The following KANK1 variants were observed in gnomAD, a reference collection of about 807,000 sequenced individuals.
KANK1 encodes KN motif and ankyrin repeat domains 1, also known as KN motif and ankyrin repeat domain-containing protein 1.
In KANK1, 109 loss-of-function variants were observed where a neutral mutation model predicts 106.2. The observed-to-expected ratio is 1.03, with a 90% CI of 0.88 to 1.20. KANK1 has a LOEUF of 1.20. Among genes scored for constraint, KANK1 ranks in the 50% most tolerant of loss-of-function variants. KANK1 has a pLI of 0.00. For synonymous variants in KANK1, 873 were observed against 652.2 expected (o/e 1.34, Z -5.16); for missense variants, 2,399 against 1,710.7 (o/e 1.40, Z -7.10).
At chr9:510,781 G>A (rs2058995363) in intron 1 of KANK1, among the ~76,000 whole-genome samples, 1 of 152,156 alleles carries the variant, frequency 6.6e-6, no homozygotes, top group African/African-American at 2.4e-5. Flanking sequence ...AGCATCATGG[G>A]GTTTAATGGT....
At chr9:728,548 T>C (rs552538127) in intron 3 of KANK1, among the ~76,000 whole-genome samples, 10 of 152,230 alleles carry the variant, frequency 6.6e-5, no homozygotes, top group Non-Finnish European at 1.2e-4. Context: ...TTGTGGGGAA[T>C]ATCTACATTA....
chr9:706,521 G>C (rs964616134), intron 2 of KANK1, among the ~76,000 whole-genome samples: 2 of 145,506 alleles, frequency 1.4e-5, no homozygotes, highest in South Asian at 4.3e-4. Context: ...CTTGATGGTA[G>C]GATCTGAGTG....
chr9:631,885 T>G (rs996446106), intron 1 of KANK1, among the ~76,000 whole-genome samples: 1 of 152,194 alleles, frequency 6.6e-6, no homozygotes, highest in Non-Finnish European at 1.5e-5. Flanking sequence ...TAACCCTTCT[T>G]CACATACCAG....
Position 490,835 on chromosome 9 carries a change from T to C in KANK1, c.-362+17562T>C, listed in dbSNP as rs2058366244. Among the ~76,000 whole-genome samples the C allele has an allele frequency of 4.6e-5, 7 of 152,202 alleles. No homozygotes were observed. The South Asian group carries it at 1.5e-3, about 32-fold the overall frequency. On this transcript the variant is annotated intron_variant, in intron 3 of 15. Coordinates refer to the KANK1 transcript ENST00000382303. Reference sequence around the variant, plus strand: ...AAAATTCTTGCTCTTGTGGAGCTTATATTCTGACACAGGAAAACAAATATA... The same window carrying C: ...AAAATTCTTGCTCTTGTGGAGCTTACATTCTGACACAGGAAAACAAATATA...
chr9:511,763 C>A (rs935859976), intron 1 of KANK1, among the ~76,000 whole-genome samples: 4 of 152,168 alleles, frequency 2.6e-5, no homozygotes, highest in Non-Finnish European at 5.9e-5. Context: ...TGTCTGGTCC[C>A]AACTCAGCTA....
Position 712,095 on chromosome 9 carries a change from C to A in KANK1, c.1329C>A (p.Ala443=). Reference sequence around the variant, plus strand: ...ATTGTGGGGTCAGCGTGACAGAGGCCATGCTTGGAGTGATGACTGAAGCTG... The same window carrying A: ...ATTGTGGGGTCAGCGTGACAGAGGCAATGCTTGGAGTGATGACTGAAGCTG... The part of the protein sequence containing the change: ...MRNCGVSVTE[A]MLGVMTEADK... The change falls in exon 3 of 12, where the codon GCC becomes GCA. Residue 443 remains alanine (A), a synonymous_variant. Transcript: ENST00000382297. 6.2e-7 allele frequency: 1 copy of A among 1,614,140 alleles called. No homozygotes were observed. Among genetic ancestry groups the A allele is most frequent in the African/African-American group, 1.3e-5 (1 of 75,028 alleles).
At chr9:628,674 C>G (rs1199781252) in intron 1 of KANK1, among the ~76,000 whole-genome samples, 1 of 152,072 alleles carries the variant, frequency 6.6e-6, no homozygotes, top group Non-Finnish European at 1.5e-5. Context: ...CCCTCTCTGC[C>G]CAGTTCCCAG....
intron 1 of KANK1, among the ~76,000 whole-genome samples, chr9:612,102 C>T (rs909104460): frequency 3.3e-5 from 5 of 152,178 alleles, no homozygotes; most frequent in African/African-American, 1.2e-4. Context: ...ATAATGAACA[C>T]ACATATTACC....
At chr9:524,802 C>T (rs1587499402) in intron 1 of KANK1, among the ~76,000 whole-genome samples, 1 of 151,446 alleles carries the variant, frequency 6.6e-6, no homozygotes, top group East Asian at 1.9e-4. Flanking sequence ...TGGGTGTGAG[C>T]CACCGTGCCC....
In KANK1 at chr9:742,244, C is replaced by A; in HGVS notation, c.3736C>A (p.Arg1246=). The A allele has an allele frequency of 1.9e-6, 3 of 1,614,166 alleles. No homozygotes were observed. Among genetic ancestry groups the A allele is most frequent in the South Asian group, 1.1e-5 (1 of 91,080 alleles). Residue 1246 remains arginine (R), a synonymous_variant, in exon 10 of 12, where the codon CGG becomes AGG. Transcript: ENST00000382297. ...CCTCATGCTGGCGGTCAGTCACGGA[C>A]GGATAGACATGGTGAAGGGCCTTCT... ...TALMLAVSHG[R]IDMVKGLLAC...
At chr9:663,186 AAAAT>A (rs145563528) in intron 1 of KANK1, among the ~76,000 whole-genome samples, 8,069 of 149,824 alleles carry the variant, frequency 0.054, 226 homozygotes, top group African/African-American at 0.067. Flanking sequence ...CTGTACATTT[AAAAT>A]AAATAAATGA....
At chr9:524,158 T>G (rs771406675) in intron 1 of KANK1, among the ~76,000 whole-genome samples, 5 of 151,834 alleles carry the variant, frequency 3.3e-5, no homozygotes, top group Non-Finnish European at 5.9e-5. Flanking sequence ...CTCTTCTGCT[T>G]TGGCTACCAG....
intron 2 of KANK1, among the ~76,000 whole-genome samples, chr9:689,743 T>C (rs1819435200): frequency 6.6e-6 from 1 of 152,058 alleles, no homozygotes; most frequent in South Asian, 2.1e-4. Flanking sequence ...GAGGGGTCGG[T>C]TAAAGCAGCA....
intron 3 of KANK1, chr9:484,601 C>G (rs1158092089): frequency 1.3e-5 from 2 of 152,162 alleles, no homozygotes; most frequent in African/African-American, 4.8e-5. Context: ...AAAGCATTGA[C>G]AAACAAGTTT....
chr9:728,678 G>A (rs940950831), intron 3 of KANK1, among the ~76,000 whole-genome samples: 1 of 152,116 alleles, frequency 6.6e-6, no homozygotes, highest in Non-Finnish European at 1.5e-5. Context: ...GAAAAGTGAC[G>A]TTTACCATCT....
chr9:625,432 A>T (rs544771196), intron 1 of KANK1, among the ~76,000 whole-genome samples: 1 of 152,246 alleles, frequency 6.6e-6, no homozygotes, highest in Non-Finnish European at 1.5e-5. Context: ...AAAATTGTTT[A>T]TTACTGGGCA....
Position 580,036 on chromosome 9 carries a change from G to A in KANK1, c.-84+75282G>A, listed in dbSNP as rs182339676. 3.3e-5 allele frequency among the ~76,000 whole-genome samples: 5 copies of A among 152,282 alleles called. No individual in the cohort carries two copies. The East Asian group carries it at 9.6e-4, about 29-fold the overall frequency. ...GAAGCCACAGACCCTTGCGGTGAGTGTTACAGTTCTTAAAGATGGTGTGTC... is the reference window on the plus strand; with the variant it reads ...GAAGCCACAGACCCTTGCGGTGAGTATTACAGTTCTTAAAGATGGTGTGTC... On this transcript the variant is annotated intron_variant, in intron 1 of 11. Transcript: ENST00000382297.
At chr9:684,538 A>G in intron 2 of KANK1, 1 of 985,092 alleles carries the variant, frequency 1.0e-6, no homozygotes, top group Non-Finnish European at 1.2e-6. Flanking sequence ...GGATTTGAAA[A>G]CTCTGTGCTC....
chr9:739,933 C>T (rs1403725132), intron 8 of KANK1, among the ~76,000 whole-genome samples: 1 of 152,042 alleles, frequency 6.6e-6, no homozygotes, highest in Non-Finnish European at 1.5e-5. Flanking sequence ...CTTTTATTTT[C>T]TGCATTAAAA....
Sources: allele counts gnomAD v4.1 joint callset (sites outside exome capture counted in the v4.1 genomes callset), GRCh38; gene constraint gnomAD v4.1.1; transcripts MANE v1.5; gene names NCBI Gene and HGNC (gene_info 2026-07-23, HGNC 2026-07-21).